The following NRG1 variants were observed in gnomAD, a reference collection of about 807,000 sequenced individuals.
The protein encoded by NRG1 is pro-neuregulin-1, membrane-bound isoform.
A neutral mutation model predicts 63.8 loss-of-function variants in NRG1; 18 were observed. That is an observed-to-expected ratio of 0.28 (90% CI 0.19 to 0.42). NRG1 has a LOEUF of 0.42. Among genes scored for constraint, NRG1 ranks in the 10% least tolerant of loss-of-function variants. NRG1 has a pLI of 1.00. For synonymous variants in NRG1, 302 were observed against 301.3 expected, an observed-to-expected ratio of 1.00 and a Z score of -0.02; for missense variants, 762 against 814.7, an observed-to-expected ratio of 0.94 and a Z score of 0.79.
At chr8:31,679,838 G>A (rs1808131543) in intron 1 of NRG1, among the ~76,000 whole-genome samples, 1 of 152,058 alleles carries the variant, frequency 6.6e-6, no homozygotes, top group Non-Finnish European at 1.5e-5. Flanking sequence ...TTAAGTATTA[G>A]AATGAATAAA....
intron 1 of NRG1, among the ~76,000 whole-genome samples, chr8:31,826,434 C>T (rs1269781963): frequency 6.6e-6 from 1 of 152,206 alleles, no homozygotes; most frequent in Non-Finnish European, 1.5e-5. Flanking sequence ...CCTACACATG[C>T]TCCCTCTTTC....
At chr8:31,824,511 G>A (rs989800279) in intron 1 of NRG1, among the ~76,000 whole-genome samples, 6 of 152,058 alleles carry the variant, frequency 3.9e-5, no homozygotes, top group South Asian at 2.1e-4. Flanking sequence ...ACATTCATAC[G>A]CATTGCTGAT....
At chr8:32,481,090 TC>T (rs1357821368) in intron 1 of NRG1, among the ~76,000 whole-genome samples, 29 of 152,204 alleles carry the variant, frequency 1.9e-4, no homozygotes, top group Non-Finnish European at 4.0e-4. Context: ...ATGCCTATAA[TC>T]CAAGCACTTT....
At position 32,233,558 on chromosome 8, in the gene NRG1, TATA is replaced by T. The variant is rs761882138; in HGVS notation, c.38-362269_38-362267del. ...AAGAATATATATATATATATATATA[TATA>T]TATTTTTTTTTTTTTTTCTTTTGAA... is the stretch of plus-strand genomic sequence containing the variant. On this transcript the variant is annotated intron_variant, in intron 1 of 10. Coordinates refer to the NRG1 transcript ENST00000519301. 9.7e-3 allele frequency among the ~76,000 whole-genome samples: 639 copies of T among 65,928 alleles called. 5 individuals carry two copies. Among genetic ancestry groups the T allele is most frequent in the Middle Eastern group, 0.032 (4 of 126 alleles). The allele number at this position is 65,928 out of a possible 152,430, so 43.3% of individuals were successfully genotyped here.
chr8:32,406,204 G>A (rs1341249989), intron 1 of NRG1, among the ~76,000 whole-genome samples: 4 of 152,064 alleles, frequency 2.6e-5, no homozygotes, highest in Non-Finnish European at 5.9e-5. Flanking sequence ...TGACATAATA[G>A]TGTCTCTCAT....
intron 5 of NRG1, among the ~76,000 whole-genome samples, chr8:32,653,460 T>G (rs1329833740): frequency 1.3e-5 from 2 of 152,216 alleles, no homozygotes. Flanking sequence ...AGCAATGTCC[T>G]TTAACTGACA....
intron 1 of NRG1, among the ~76,000 whole-genome samples, chr8:32,534,043 T>C (rs1005002959): frequency 2.0e-5 from 3 of 152,056 alleles, no homozygotes; most frequent in East Asian, 1.9e-4. Context: ...AGTGAGCAAA[T>C]AGATGTCATA....
chr8:32,009,571 T>TG (rs1283729352), intron 1 of NRG1, among the ~76,000 whole-genome samples: 2 of 151,852 alleles, frequency 1.3e-5, no homozygotes, highest in Non-Finnish European at 2.9e-5. Context: ...GGTAGGGTTT[T>TG]GGGGGGAAGA....
exon 1 of NRG1, chr8:32,548,629 C>T (rs1014374388): frequency 1.4e-6 from 2 of 1,444,608 alleles, no homozygotes; most frequent in Non-Finnish European, 1.8e-6. Context: ...TCGCTCTCCC[C>T]CTCGAGGGAC....
chr8:31,776,569 A>T (rs1819162072), intron 1 of NRG1, among the ~76,000 whole-genome samples: 2 of 152,062 alleles, frequency 1.3e-5, no homozygotes, highest in African/African-American at 4.8e-5. Context: ...TTTAAGTTTT[A>T]GGGTACATGT....
At chr8:32,319,727 A>G (rs964214515) in intron 1 of NRG1, among the ~76,000 whole-genome samples, 1 of 152,176 alleles carries the variant, frequency 6.6e-6, no homozygotes, top group African/African-American at 2.4e-5. Flanking sequence ...ACATAGGCTA[A>G]TAACATAAAT....
chr8:32,194,283 AG>A (rs1842764788), intron 1 of NRG1, among the ~76,000 whole-genome samples: 1 of 152,218 alleles, frequency 6.6e-6, no homozygotes, highest in South Asian at 2.1e-4. Context: ...CCTAGAAGAA[AG>A]TTCCACACAT....
At chr8:32,339,721 C>A (rs1803808337) in intron 1 of NRG1, among the ~76,000 whole-genome samples, 1 of 152,168 alleles carries the variant, frequency 6.6e-6, no homozygotes, top group South Asian at 2.1e-4. Context: ...ATTTTGATTG[C>A]CTGTAGTCAC....
At chr8:32,461,143 C>T (rs188399519) in intron 1 of NRG1, among the ~76,000 whole-genome samples, 2 of 152,118 alleles carry the variant, frequency 1.3e-5, no homozygotes, top group Admixed American at 6.5e-5. Context: ...TTCCAATGGG[C>T]TCAGCTTGTC....
intron 1 of NRG1, among the ~76,000 whole-genome samples, chr8:32,483,465 G>A (rs1343537377): frequency 6.6e-6 from 1 of 152,184 alleles, no homozygotes. Context: ...TATGCATTTA[G>A]TTGCCTCTTG....
At chr8:31,793,728 T>C (rs1827538) in intron 1 of NRG1, among the ~76,000 whole-genome samples, 147,250 of 152,278 alleles carry the variant, frequency 0.97, 71,371 homozygotes, top group East Asian at 1. Flanking sequence ...CTGTGTAATA[T>C]AATCCATGGG....
intron 1 of NRG1, among the ~76,000 whole-genome samples, chr8:32,292,056 C>A (rs1163712202): frequency 6.6e-6 from 1 of 152,142 alleles, no homozygotes; most frequent in Non-Finnish European, 1.5e-5. Flanking sequence ...TTTTCAACAT[C>A]AGCAACATTA....
At chr8:31,894,021 G>A (rs1831360159) in intron 1 of NRG1, among the ~76,000 whole-genome samples, 1 of 152,010 alleles carries the variant, frequency 6.6e-6, no homozygotes, top group South Asian at 2.1e-4. Context: ...TCCAAAAAAT[G>A]TTTAGAGAAA....
chr8:32,069,653 T>C (rs1345659870), intron 1 of NRG1, among the ~76,000 whole-genome samples: 1 of 152,098 alleles, frequency 6.6e-6, no homozygotes, highest in East Asian at 1.9e-4. Context: ...AGACTGCACC[T>C]CGGGGTAAGG....
Sources: allele counts gnomAD v4.1 joint callset (sites outside exome capture counted in the v4.1 genomes callset), GRCh38; gene constraint gnomAD v4.1.1; transcripts MANE v1.5; gene names NCBI Gene and HGNC (gene_info 2026-07-23, HGNC 2026-07-21).